Variants in SH3KBP1 observed in about 807,000 individuals in gnomAD.
The protein encoded by SH3KBP1 is SH3 domain containing kinase binding protein 1.
SH3KBP1 carries 8 observed loss-of-function variants against 50.1 expected under a neutral mutation model. The observed-to-expected ratio is 0.16, with a 90% CI of 0.09 to 0.29. The LOEUF (loss-of-function observed/expected upper bound fraction) is 0.29, where lower values mean the gene tolerates loss of function less well. Ranked by LOEUF, SH3KBP1 falls within the 10% of genes least tolerant of loss-of-function variation. The pLI is 1.00. For synonymous variants in SH3KBP1, 227 were observed against 218.6 expected (o/e 1.04, Z -0.34); for missense variants, 377 against 535.2 (o/e 0.70, Z 2.92).
Position 19,545,907 on chromosome X carries a change from T to C in SH3KBP1, c.1623+15A>G. On this transcript the variant is annotated intron_variant, in intron 15 of 17. Coordinates refer to ENST00000397821, the MANE Select transcript of SH3KBP1 (RefSeq NM_031892.3). ...TGAAATGACAGGGACACCCTCGCCA[T>C]GGCTGGTGACTCACTTGGGATATGG... 1 of 1,210,751 alleles carries C rather than the reference T, an allele frequency of 8.3e-7. No homozygotes were observed. The highest frequency in any genetic ancestry group is 1.1e-6 in the Non-Finnish European group (1 of 894,568).
chrX:19,545,038 G>A (rs2065045792), intron 15 of SH3KBP1, among the ~76,000 whole-genome samples: 1 of 112,427 alleles, frequency 8.9e-6, no homozygotes, highest in Admixed American at 9.4e-5. Flanking sequence ...CAACTGATCT[G>A]TTGTATAGGA....
At chrX:19,613,943 G>A in intron 8 of SH3KBP1, among the ~76,000 whole-genome samples, 1 of 112,913 alleles carries the variant, frequency 8.9e-6, no homozygotes, top group Non-Finnish European at 1.9e-5. Flanking sequence ...CACAAGAGCT[G>A]GTTGTTGTTA....
At chrX:19,758,923 G>A (rs748358747) in intron 2 of SH3KBP1, among the ~76,000 whole-genome samples, 1 of 111,414 alleles carries the variant, frequency 9.0e-6, no homozygotes, top group Non-Finnish European at 1.9e-5. Flanking sequence ...TTCTTTTAAC[G>A]GTGTGCCAAC....
At position 19,567,434 on chromosome X, in the gene SH3KBP1, G is replaced by A. The variant is rs183781023; in HGVS notation, c.1384+1669C>T. On this transcript the variant is annotated intron_variant, in intron 13 of 17. Transcript: ENST00000397821. ...CTCAGGACGCTGGGGTGGGAGGATCGCTTGAACCTGGGAGGCAGAGGTTGC... is the reference window on the plus strand; with the variant it reads ...CTCAGGACGCTGGGGTGGGAGGATCACTTGAACCTGGGAGGCAGAGGTTGC... 3.1e-3 allele frequency among the ~76,000 whole-genome samples: 289 copies of A among 94,329 alleles called. 1 individual carries two copies. The highest frequency in any genetic ancestry group is 0.011 in the South Asian group (18 of 1,676). 81.9% of individuals were successfully genotyped at this position (94,329 alleles called of 115,157 possible). A position where few individuals can be genotyped will look rare whatever the true frequency, so the allele number is the denominator to read the frequency against.
At chrX:19,537,818 A>C in intron 16 of SH3KBP1, 38 bp from the exon 17 acceptor site, 2 of 1,089,618 alleles carry the variant, frequency 1.8e-6, no homozygotes, top group Non-Finnish European at 2.5e-6. Flanking sequence ...CCAAAATCCC[A>C]GACTTCCTTC....
At chrX:19,628,130 C>A (rs1447862093) in intron 8 of SH3KBP1, among the ~76,000 whole-genome samples, 1 of 112,253 alleles carries the variant, frequency 8.9e-6, no homozygotes, top group Admixed American at 9.5e-5. Flanking sequence ...ATATTTATGG[C>A]ATGTTTTCTT....
chrX:19,632,286 A>G (rs1365709822), intron 7 of SH3KBP1, among the ~76,000 whole-genome samples: 2 of 111,951 alleles, frequency 1.8e-5, no homozygotes, highest in East Asian at 5.6e-4. Context: ...TATACTCTTC[A>G]GGTGCATGCA....
chrX:19,727,836 G>A (rs1272376437), intron 3 of SH3KBP1, among the ~76,000 whole-genome samples: 14 of 111,439 alleles, frequency 1.3e-4, no homozygotes, highest in African/African-American at 6.5e-5. Flanking sequence ...ATACAAAAAC[G>A]TGCTGGGCGC....
intron 8 of SH3KBP1, among the ~76,000 whole-genome samples, chrX:19,609,042 A>C (rs1000189648): frequency 6.2e-5 from 7 of 112,993 alleles, no homozygotes; most frequent in African/African-American, 2.3e-4. Context: ...ACACTGAGCC[A>C]GGTGCTAGAG....
chrX:19,626,117 C>G (rs1449113923), intron 8 of SH3KBP1, among the ~76,000 whole-genome samples: 2 of 111,358 alleles, frequency 1.8e-5, no homozygotes, highest in African/African-American at 6.5e-5. Flanking sequence ...GGTTCAGAAT[C>G]CTGTGCTGGG....
At chrX:19,874,639 G>A (rs2069185600) in intron 1 of SH3KBP1, among the ~76,000 whole-genome samples, 1 of 103,822 alleles carries the variant, frequency 9.6e-6, no homozygotes, top group East Asian at 3.1e-4. Context: ...TAAGAGGAAC[G>A]GGCTGGGAAG....
intron 3 of SH3KBP1, among the ~76,000 whole-genome samples, chrX:19,731,231 GC>G (rs2064368770): frequency 8.9e-6 from 1 of 112,405 alleles, no homozygotes. Context: ...GAGCCACTGC[GC>G]CCGGCCTACA....
intron 1 of SH3KBP1, among the ~76,000 whole-genome samples, chrX:19,856,949 G>GTTTT (rs1275149618): frequency 5.3e-5 from 2 of 37,966 alleles, no homozygotes; most frequent in Non-Finnish European, 9.4e-5. Flanking sequence ...GCTAATACTA[G>GTTTT]TCTTTTTTTT....
At chrX:19,884,381 T>C (rs1432839987) in intron 1 of SH3KBP1, among the ~76,000 whole-genome samples, 1 of 112,399 alleles carries the variant, frequency 8.9e-6, no homozygotes, top group Non-Finnish European at 1.9e-5. Context: ...GCAAAATACA[T>C]TAAAAACAAC....
intron 2 of SH3KBP1, among the ~76,000 whole-genome samples, chrX:19,765,579 T>A (rs1387570860): frequency 8.9e-6 from 1 of 112,111 alleles, no homozygotes; most frequent in Non-Finnish European, 1.9e-5. Context: ...ACACGTTACA[T>A]AAAATTTAAC....
chrX:19,806,172 T>G (rs2067038763), intron 2 of SH3KBP1, among the ~76,000 whole-genome samples: 1 of 111,550 alleles, frequency 9.0e-6, no homozygotes, highest in Non-Finnish European at 1.9e-5. Context: ...TAAACACTAC[T>G]ATAGAAAAAG....
chrX:19,774,650 AAAAAAAAGAAAGAAAG>A (rs1279486648), intron 2 of SH3KBP1, among the ~76,000 whole-genome samples: 1 of 63,480 alleles, frequency 1.6e-5, no homozygotes, highest in Non-Finnish European at 3.1e-5. Flanking sequence ...CCCTGTCTCA[AAAAAAAAGAAAGAAAG>A]AAAGAAAGAA....
At position 19,673,806 on chromosome X, in the gene SH3KBP1, C is replaced by T. The variant is rs770811777; in HGVS notation, c.726+10017G>A. Among the ~76,000 whole-genome samples the T allele has an allele frequency of 6.6e-4, 73 of 111,389 alleles. 1 individual carries two copies. Among genetic ancestry groups the T allele is most frequent in the Non-Finnish European group, 2.1e-4 (11 of 52,962 alleles). The stretch of plus-strand genomic sequence containing the variant: ...GCTGGCAGAGCCCTGCAGGAAGAGG[C>T]ACCACCTCCCCTTCAGCTGCCCACT... On this transcript the variant is annotated intron_variant, in intron 6 of 17. Coordinates refer to ENST00000397821, the MANE Select transcript of SH3KBP1 (RefSeq NM_031892.3).
At chrX:19,646,061 A>T (rs1375075359) in intron 6 of SH3KBP1, among the ~76,000 whole-genome samples, 1 of 111,499 alleles carries the variant, frequency 9.0e-6, no homozygotes, top group East Asian at 2.8e-4. Flanking sequence ...CATGTCCTCT[A>T]AACAGATCTA....
Sources: gnomAD v4.1 joint callset for allele counts (sites outside exome capture counted in the v4.1 genomes callset) on GRCh38, gnomAD v4.1.1 for gene constraint, MANE v1.5 for transcripts, NCBI Gene and HGNC (gene_info 2026-07-23, HGNC 2026-07-21) for gene names.